ELP3: variants seen among roughly 807,000 people sequenced by gnomAD.
ELP3 encodes the protein elongator acetyltransferase complex subunit 3, also known as elongator complex protein 3.
In ELP3, 56 loss-of-function variants were observed where a neutral mutation model predicts 74.9. The ratio of observed to expected loss-of-function variants is 0.75; its 90% CI spans 0.60 to 0.93. The LOEUF (loss-of-function observed/expected upper bound fraction) is 0.93. ELP3 is among the 40% of genes least tolerant of loss of function. ELP3 has a pLI of 0.00. For synonymous variants in ELP3, 222 were observed against 239.8 expected (o/e 0.93, Z 0.68); for missense variants, 573 against 686.5 (o/e 0.83, Z 1.85).
chr8:28,144,903 G>A (rs892944076), intron 10 of ELP3, among the ~76,000 whole-genome samples: 1 of 152,146 alleles, frequency 6.6e-6, no homozygotes, highest in South Asian at 2.1e-4. Flanking sequence ...TTAGCTGAGT[G>A]TGGTGGTGGG....
chr8:28,102,511 C>T (rs1811530507), intron 3 of ELP3, among the ~76,000 whole-genome samples: 1 of 152,156 alleles, frequency 6.6e-6, no homozygotes, highest in African/African-American at 2.4e-5. Context: ...TTGAAAGTAT[C>T]AGAAACACAC....
intron 7 of ELP3, among the ~76,000 whole-genome samples, chr8:28,128,822 T>G (rs567597641): frequency 7.2e-5 from 11 of 152,192 alleles, no homozygotes; most frequent in Non-Finnish European, 1.3e-4. Flanking sequence ...GCAAGAGACT[T>G]ACTTCTCTGC....
intron 9 of ELP3, among the ~76,000 whole-genome samples, chr8:28,136,780 G>T (rs1394810865): frequency 2.6e-5 from 4 of 152,210 alleles, no homozygotes. Context: ...TCCCACCAAG[G>T]TGGGAGTGAG....
In ELP3 at chr8:28,180,964, G is replaced by A. The variant is rs545145954; in HGVS notation, c.1568-8685G>A. Among the ~76,000 whole-genome samples, 14 of 152,218 alleles carry A rather than the reference G, an allele frequency of 9.2e-5. No homozygotes were observed. In the East Asian group the frequency reaches 2.5e-3, roughly 27 times the overall value. On this transcript the variant is annotated intron_variant, in intron 14 of 14. Coordinates refer to ENST00000256398, the MANE Select transcript of ELP3 (RefSeq NM_018091.6). ...CACACCTCCTAAACAGCAGGGCACT[G>A]GGGGAGTGTTATGACTGCTTCTCTG...
intron 7 of ELP3, among the ~76,000 whole-genome samples, chr8:28,119,633 C>G (rs1447775517): frequency 7.6e-5 from 7 of 91,780 alleles, no homozygotes; most frequent in African/African-American, 2.9e-4. Flanking sequence ...TATATATGAA[C>G]ACATATATTA....
intron 2 of ELP3, among the ~76,000 whole-genome samples, chr8:28,098,630 C>T (rs1811350378): frequency 6.6e-6 from 1 of 152,232 alleles, no homozygotes; most frequent in Non-Finnish European, 1.5e-5. Context: ...CCTCAGATGT[C>T]ACCAGCCTAT....
intron 10 of ELP3, among the ~76,000 whole-genome samples, chr8:28,151,057 G>C (rs549452491): frequency 3.3e-5 from 5 of 152,148 alleles, no homozygotes; most frequent in African/African-American, 1.2e-4. Context: ...TTATAGGTGT[G>C]AGCCACCGTA....
At chr8:28,168,305 G>A (rs1335646103) in intron 14 of ELP3, among the ~76,000 whole-genome samples, 5 of 152,238 alleles carry the variant, frequency 3.3e-5, no homozygotes, top group African/African-American at 9.6e-5. Flanking sequence ...CTGATTTGGA[G>A]TGGCTGATTG....
In ELP3 at chr8:28,137,723, G is replaced by A. The variant is rs761443097; in HGVS notation, c.932G>A (p.Arg311His). The change falls in exon 10 of 15, where the codon CGT becomes CAT. Residue 311 changes from arginine (R) to histidine (H), a missense_variant. Physicochemically the swap from Arg to His is conservative, Grantham distance 29 (BLOSUM62 0). Coordinates refer to ENST00000256398, the MANE Select transcript of ELP3 (RefSeq NM_018091.6). ...GAGTTTTTTGAGAACCCTGCTTTTC[G>A]TCCCGATGGGCTGAAACTCTATCCT... ...FTEFFENPAF[R>H]PDGLKLYPTL... is the part of the protein sequence containing the mutation. 15 of 1,612,620 alleles carry A rather than the reference G, an allele frequency of 9.3e-6. No homozygotes were observed. In the African/African-American group the frequency reaches 1.1e-4, roughly 12 times the overall value.
At chr8:28,093,552 TTAAGA>T in intron 1 of ELP3, 1 of 415,654 alleles carries the variant, frequency 2.4e-6, no homozygotes, top group East Asian at 4.6e-5. Context: ...TTTTCATTTG[TTAAGA>T]TTTGTTTCAC....
intron 14 of ELP3, among the ~76,000 whole-genome samples, chr8:28,181,186 G>T (rs779303056): frequency 6.6e-6 from 1 of 152,090 alleles, no homozygotes; most frequent in Non-Finnish European, 1.5e-5. Context: ...ATTGTCTTTG[G>T]CTGGAGCGTT....
intron 2 of ELP3, 89 bp downstream of exon 2, chr8:28,097,407 A>G: frequency 1.2e-6 from 1 of 827,222 alleles, no homozygotes; most frequent in Non-Finnish European, 1.9e-6. Flanking sequence ...TTCCAGCTCA[A>G]GTTTTATTTT....
At chr8:28,099,748 A>G (rs913490867) in intron 2 of ELP3, 80 bp from the exon 3 acceptor site, 2 of 1,484,898 alleles carry the variant, frequency 1.3e-6, no homozygotes. Flanking sequence ...GTTGTTAATG[A>G]TGTTGTTTAT....
chr8:28,097,424 G>T, intron 2 of ELP3, 106 bp downstream of exon 2: 1 of 682,906 alleles, frequency 1.5e-6, no homozygotes, highest in Non-Finnish European at 2.4e-6. Context: ...TTTTAGTTGA[G>T]AATTTTAGCT....
upstream of ELP3, among the ~76,000 whole-genome samples, chr8:28,091,201 CG>C (rs1811043716): frequency 6.6e-6 from 1 of 152,032 alleles, no homozygotes; most frequent in African/African-American, 2.4e-5. Flanking sequence ...CCACCGCGCC[CG>C]GCCGTAAATG....
rs530928785 is a variant in ELP3, at chr8:28,164,756, G to A, written c.1567+2678G>A. ...TGTGTAAGTTTCTGAATCAGATGCC[G>A]GAGAAGTTAGTCCATTATTAAGAAC... On this transcript the variant is annotated intron_variant, in intron 14 of 14. Transcript: ENST00000256398. 2.8e-3 allele frequency among the ~76,000 whole-genome samples: 426 copies of A among 152,234 alleles called. 3 individuals carry two copies. Among genetic ancestry groups the A allele is most frequent in the African/African-American group, 9.6e-3 (397 of 41,550 alleles).
intron 10 of ELP3, among the ~76,000 whole-genome samples, chr8:28,144,970 A>G (rs1295758665): frequency 6.6e-6 from 1 of 152,200 alleles, no homozygotes; most frequent in African/African-American, 2.4e-5. Context: ...TGAACCTGGG[A>G]GGCAGAGGTT....
chr8:28,099,686 C>CA, intron 2 of ELP3, 142 bp from the exon 3 acceptor site: 1 of 922,598 alleles, frequency 1.1e-6, no homozygotes, highest in African/African-American at 1.6e-5. Flanking sequence ...CCCTGATAGT[C>CA]ACAGATCTTA....
chr8:28,093,573 A>C (rs1373254732), intron 1 of ELP3: 1 of 369,194 alleles, frequency 2.7e-6, no homozygotes, highest in East Asian at 5.5e-5. Flanking sequence ...TTCACGACAC[A>C]TTTGACGTGT....
Sources: gnomAD v4.1 joint callset for allele counts (sites outside exome capture counted in the v4.1 genomes callset) on GRCh38, gnomAD v4.1.1 for gene constraint, MANE v1.5 for transcripts, NCBI Gene and HGNC (gene_info 2026-07-23, HGNC 2026-07-21) for gene names.